Variants in FRMPD4 observed in about 807,000 individuals in gnomAD.
FRMPD4 encodes the protein FERM and PDZ domain-containing protein 4.
A neutral mutation model predicts 94.1 loss-of-function variants in FRMPD4; 22 were observed. The ratio of observed to expected loss-of-function variants is 0.23; its 90% CI spans 0.17 to 0.33. FRMPD4 has a LOEUF of 0.33. FRMPD4 is among the 10% of genes least tolerant of loss of function. The pLI is 1.00. For synonymous variants in FRMPD4, 631 were observed against 548.6 expected (o/e 1.15, Z -2.10); for missense variants, 1,111 against 1,339.9 (o/e 0.83, Z 2.67).
At chrX:12,430,958 G>A (rs1601936171) in intron 1 of FRMPD4, among the ~76,000 whole-genome samples, 1 of 112,363 alleles carries the variant, frequency 8.9e-6, no homozygotes, top group South Asian at 3.7e-4. Context: ...GGCTTCAGAG[G>A]AGTATTTGTA....
chrX:12,442,917 T>G (rs1020107378), intron 1 of FRMPD4, among the ~76,000 whole-genome samples: 1 of 112,081 alleles, frequency 8.9e-6, no homozygotes, highest in Non-Finnish European at 1.9e-5. Context: ...AGTGACGTAT[T>G]GGTACATGAT....
intron 1 of FRMPD4, among the ~76,000 whole-genome samples, chrX:12,220,500 G>A (rs1182215548): frequency 8.9e-6 from 1 of 111,784 alleles, no homozygotes; most frequent in Non-Finnish European, 1.9e-5. Flanking sequence ...TCCATCCGCA[G>A]TAAGCATAAC....
intron 1 of FRMPD4, among the ~76,000 whole-genome samples, chrX:12,232,067 G>A (rs1392487706): frequency 9.0e-6 from 1 of 111,291 alleles, no homozygotes; most frequent in African/African-American, 3.3e-5. Flanking sequence ...CAAGCAAAAC[G>A]GACTGTATGG....
chrX:12,432,903 T>C (rs2057025272), intron 1 of FRMPD4, among the ~76,000 whole-genome samples: 1 of 112,288 alleles, frequency 8.9e-6, no homozygotes, highest in Non-Finnish European at 1.9e-5. Context: ...AACCAACCTT[T>C]TAACTACAGT....
chrX:12,091,865 C>T (rs778635983), intron 3 of FRMPD4, among the ~76,000 whole-genome samples: 3 of 111,223 alleles, frequency 2.7e-5, no homozygotes, highest in African/African-American at 9.8e-5. Context: ...ATTTTCCAAC[C>T]TGTAGAGTGC....
chrX:11,888,147 A>G (rs2053856001), intron 3 of FRMPD4, among the ~76,000 whole-genome samples: 1 of 112,154 alleles, frequency 8.9e-6, no homozygotes, highest in Non-Finnish European at 1.9e-5. Flanking sequence ...ATCAATAGCA[A>G]TTACTTAGAA....
chrX:11,960,049 A>G (rs915219125), intron 3 of FRMPD4, among the ~76,000 whole-genome samples: 1 of 111,370 alleles, frequency 9.0e-6, no homozygotes, highest in African/African-American at 3.3e-5. Context: ...AAGGAACAGC[A>G]TACACAGCAA....
At chrX:12,502,453 A>G (rs2057932387) in intron 2 of FRMPD4, among the ~76,000 whole-genome samples, 1 of 111,508 alleles carries the variant, frequency 9.0e-6, no homozygotes, top group Admixed American at 9.5e-5. Context: ...AAGGAAAAGG[A>G]AAGAGTCATG....
intron 1 of FRMPD4, among the ~76,000 whole-genome samples, chrX:12,167,372 T>A (rs911626995): frequency 3.6e-5 from 4 of 111,764 alleles, no homozygotes; most frequent in Non-Finnish European, 5.6e-5. Flanking sequence ...TTTGAGTGAG[T>A]TTCTTAATCC....
intron 2 of FRMPD4, among the ~76,000 whole-genome samples, chrX:12,541,706 T>C (rs1332368789): frequency 1.8e-5 from 2 of 111,634 alleles, no homozygotes; most frequent in Admixed American, 1.9e-4. Flanking sequence ...TTCCAATCAA[T>C]AGAGAAAGAG....
intron 2 of FRMPD4, among the ~76,000 whole-genome samples, chrX:11,868,696 A>G (rs939384614): frequency 7.2e-5 from 8 of 111,882 alleles, no homozygotes; most frequent in Non-Finnish European, 1.3e-4. Context: ...TAAATAAATA[A>G]CCATAGCAAA....
At chrX:12,711,991 G>A (rs1406521655) in intron 14 of FRMPD4, among the ~76,000 whole-genome samples, 4 of 111,396 alleles carry the variant, frequency 3.6e-5, no homozygotes, top group African/African-American at 6.5e-5. Flanking sequence ...TAGAAACAAG[G>A]AGCAATGGAT....
At chrX:12,482,494 A>G (rs909390048) in intron 1 of FRMPD4, among the ~76,000 whole-genome samples, 1 of 111,702 alleles carries the variant, frequency 9.0e-6, no homozygotes, top group Non-Finnish European at 1.9e-5. Context: ...TAGTTAAGTC[A>G]GCTAACAGAG....
intron 4 of FRMPD4, among the ~76,000 whole-genome samples, chrX:12,625,812 A>G (rs1042039972): frequency 3.6e-5 from 4 of 112,162 alleles, no homozygotes; most frequent in Non-Finnish European, 5.6e-5. Context: ...AGTATAAAGA[A>G]AAGTTAAATG....
intron 3 of FRMPD4, among the ~76,000 whole-genome samples, chrX:12,060,756 A>G (rs1395364623): frequency 9.1e-6 from 1 of 110,241 alleles, no homozygotes; most frequent in Non-Finnish European, 1.9e-5. Flanking sequence ...TGTAGTCACT[A>G]CTCTCCTACA....
At chrX:12,483,750 CA>C (rs1304460267) in intron 1 of FRMPD4, among the ~76,000 whole-genome samples, 1 of 111,921 alleles carries the variant, frequency 8.9e-6, no homozygotes, top group Non-Finnish European at 1.9e-5. Flanking sequence ...TTAAGCATCA[CA>C]CTTATTAGTC....
At chrX:11,977,911 T>G (rs1349630994) in intron 3 of FRMPD4, among the ~76,000 whole-genome samples, 1 of 111,071 alleles carries the variant, frequency 9.0e-6, no homozygotes, top group African/African-American at 3.3e-5. Context: ...GAGAACAGAT[T>G]GTAAAATGTT....
intron 1 of FRMPD4, among the ~76,000 whole-genome samples, chrX:12,386,295 A>G (rs1274767687): frequency 1.8e-5 from 2 of 112,551 alleles, no homozygotes. Flanking sequence ...TACATGATAG[A>G]GAAAAGCTTG....
At chrX:12,378,552 A>G (rs1027102618) in intron 1 of FRMPD4, among the ~76,000 whole-genome samples, 2 of 112,386 alleles carry the variant, frequency 1.8e-5, no homozygotes, top group African/African-American at 6.5e-5. Flanking sequence ...CCTGCTGGAT[A>G]TATTAGGAAG....
Sources: gnomAD v4.1 joint callset for allele counts (sites outside exome capture counted in the v4.1 genomes callset) on GRCh38, gnomAD v4.1.1 for gene constraint, MANE v1.5 for transcripts, NCBI Gene and HGNC (gene_info 2026-07-23, HGNC 2026-07-21) for gene names.